Variants in LRBA observed in about 807,000 individuals in gnomAD.
LRBA encodes LPS responsive beige-like anchor protein, also known as lipopolysaccharide-responsive and beige-like anchor protein.
In LRBA, 176 loss-of-function variants were observed where a neutral mutation model predicts 330.0. The ratio of observed to expected loss-of-function variants is 0.53; its 90% CI spans 0.47 to 0.60. The LOEUF (loss-of-function observed/expected upper bound fraction) is 0.60. Ranked by LOEUF, LRBA falls within the 20% of genes least tolerant of loss-of-function variation. The pLI, the probability that LRBA is intolerant of heterozygous loss-of-function variation, is 0.00. For synonymous variants in LRBA, 1,230 were observed against 1,193.0 expected (o/e 1.03, Z -0.64); for missense variants, 3,259 against 3,444.8 (o/e 0.95, Z 1.35).
At chr4:150,720,980 C>A in intron 36 of LRBA, 1 of 502,448 alleles carries the variant, frequency 2.0e-6, no homozygotes, top group South Asian at 1.5e-5. Context: ...GCAAGGCAGT[C>A]ATGGCACAGA....
intron 14 of LRBA, 84 bp downstream of exon 14, chr4:150,899,965 A>T: frequency 1.0e-6 from 1 of 971,654 alleles, no homozygotes; most frequent in Non-Finnish European, 1.5e-6. Context: ...GCCCAAATAT[A>T]TGATAGTACT....
chr4:150,747,681 A>G (rs1732939676), intron 35 of LRBA, among the ~76,000 whole-genome samples: 2 of 152,326 alleles, frequency 1.3e-5, no homozygotes, highest in South Asian at 4.1e-4. Flanking sequence ...GCAATAATAC[A>G]TAGCACTTTC....
intron 37 of LRBA, among the ~76,000 whole-genome samples, chr4:150,662,097 C>T (rs999598067): frequency 6.6e-6 from 1 of 152,124 alleles, no homozygotes; most frequent in Non-Finnish European, 1.5e-5. Flanking sequence ...GTCTAAAATA[C>T]ACTTTAAAGT....
intron 34 of LRBA, among the ~76,000 whole-genome samples, chr4:150,767,925 G>A (rs1023043791): frequency 8.6e-5 from 13 of 150,986 alleles, no homozygotes; most frequent in Admixed American, 7.9e-4. Flanking sequence ...TTAGTCAGGC[G>A]TGGTGGTGCA....
chr4:150,830,317 GTGTGGCTT>G (rs1291705492), intron 29 of LRBA, among the ~76,000 whole-genome samples: 18 of 152,324 alleles, frequency 1.2e-4, no homozygotes, highest in African/African-American at 4.3e-4. Context: ...TCTGTAAGAA[GTGTGGCTT>G]ATTTCTGATC....
At chr4:150,732,429 T>C (rs1274056888) in intron 36 of LRBA, among the ~76,000 whole-genome samples, 1 of 152,070 alleles carries the variant, frequency 6.6e-6, no homozygotes, top group Non-Finnish European at 1.5e-5. Context: ...AAGAACAGCA[T>C]TGCCCATTTC....
At chr4:150,559,339 G>A (rs886430515) in intron 40 of LRBA, among the ~76,000 whole-genome samples, 2 of 151,216 alleles carry the variant, frequency 1.3e-5, no homozygotes, top group Non-Finnish European at 2.9e-5. Flanking sequence ...AAGGCGGGTG[G>A]ATCATGAGGT....
intron 42 of LRBA, among the ~76,000 whole-genome samples, chr4:150,484,092 T>C (rs1757603149): frequency 1.3e-5 from 2 of 152,012 alleles, no homozygotes; most frequent in Admixed American, 6.6e-5. Context: ...TATGCTAAAA[T>C]GACTATTTTA....
intron 37 of LRBA, among the ~76,000 whole-genome samples, chr4:150,621,798 G>A (rs12505123): frequency 0.052 from 7,869 of 152,230 alleles, 322 homozygotes; most frequent in East Asian, 0.18. Context: ...TCTCTTGGGA[G>A]TAAGGAGGAC....
chr4:150,473,640 C>A (rs1401755429), intron 42 of LRBA, among the ~76,000 whole-genome samples: 1 of 152,140 alleles, frequency 6.6e-6, no homozygotes, highest in Non-Finnish European at 1.5e-5. Flanking sequence ...TCACTTCTTA[C>A]CCCATCCCTC....
chr4:151,001,957 T>C (rs992777666), intron 2 of LRBA, among the ~76,000 whole-genome samples: 5 of 151,396 alleles, frequency 3.3e-5, no homozygotes, highest in African/African-American at 9.7e-5. Context: ...GTCCGAACCC[T>C]AAGGCCCCCA....
At chr4:150,709,675 CAT>C (rs1390638788) in intron 36 of LRBA, among the ~76,000 whole-genome samples, 2 of 152,018 alleles carry the variant, frequency 1.3e-5, no homozygotes, top group Non-Finnish European at 2.9e-5. Flanking sequence ...TATGAATAGA[CAT>C]AGAGTTCTTA....
In LRBA at chr4:150,277,853, C is replaced by T; in HGVS notation, c.8468G>A (p.Arg2823Lys). 1 of 1,613,858 alleles carries T rather than the reference C, an allele frequency of 6.2e-7. No individual in the cohort carries two copies. Among genetic ancestry groups the T allele is most frequent in the Non-Finnish European group, 8.5e-7 (1 of 1,179,864 alleles). The change falls in exon 56 of 57, where the codon AGG becomes AAG. Residue 2823 changes from arginine to lysine, a missense_variant and splice_region_variant. Arg to Lys is a conservative substitution (Grantham distance 26, BLOSUM62 2). Transcript: ENST00000651943. ...IRAMALSYDQ[R>K]CIISGMASGS... ...TTGTAGCCCATGATTCCAGTGTTACCTCTGGTCGTAAGACAGCGCCATGGC... is the reference window on the plus strand; with the variant it reads ...TTGTAGCCCATGATTCCAGTGTTACTTCTGGTCGTAAGACAGCGCCATGGC...
chr4:150,489,113 CAT>C (rs1321724391), intron 41 of LRBA, among the ~76,000 whole-genome samples: 1 of 40,344 alleles, frequency 2.5e-5, no homozygotes, highest in African/African-American at 1.1e-4. Context: ...TATTATATAT[CAT>C]ATATAATATA....
At chr4:150,714,776 C>T (rs1786575478) in intron 36 of LRBA, among the ~76,000 whole-genome samples, 1 of 151,876 alleles carries the variant, frequency 6.6e-6, no homozygotes, top group East Asian at 1.9e-4. Flanking sequence ...ATATTTTTTT[C>T]CAATAGAATT....
At chr4:150,590,137 G>C (rs1772624490) in intron 39 of LRBA, among the ~76,000 whole-genome samples, 1 of 152,128 alleles carries the variant, frequency 6.6e-6, no homozygotes, top group Non-Finnish European at 1.5e-5. Context: ...TTTAATGAAT[G>C]ACTAAAATTT....
intron 34 of LRBA, among the ~76,000 whole-genome samples, chr4:150,781,441 A>G (rs763693217): frequency 6.6e-6 from 1 of 152,204 alleles, no homozygotes; most frequent in Non-Finnish European, 1.5e-5. Context: ...CAGGAGGCGG[A>G]GCTCAGGCAG....
In LRBA at chr4:150,286,037, T is replaced by G; in HGVS notation, c.8018-3A>C. On this transcript the variant is annotated splice_region_variant and splice_polypyrimidine_tract_variant and intron_variant, in intron 53 of 56. Transcript: ENST00000651943. ...GGCCCGAGGAGCAGCAGTCTCACCT[T>G]TAGGAAAAAACAGATAAAAAGAACA... 6.5e-7 allele frequency: 1 copy of G among 1,548,118 alleles called. No homozygotes were observed.
At chr4:150,268,386 C>T (rs1211750583) in intron 56 of LRBA, among the ~76,000 whole-genome samples, 1 of 152,202 alleles carries the variant, frequency 6.6e-6, no homozygotes, top group Non-Finnish European at 1.5e-5. Context: ...TCAATTTCTT[C>T]TTCCAAAAAA....
Sources: allele counts gnomAD v4.1 joint callset (sites outside exome capture counted in the v4.1 genomes callset), GRCh38; gene constraint gnomAD v4.1.1; transcripts MANE v1.5; gene names NCBI Gene and HGNC (gene_info 2026-07-23, HGNC 2026-07-21).